Variants in ZNF454 observed in about 807,000 individuals in gnomAD.
The protein encoded by ZNF454 is zinc finger protein 454.
A neutral mutation model predicts 48.2 loss-of-function variants in ZNF454; 30 were observed. The ratio of observed to expected loss-of-function variants is 0.62; its 90% CI spans 0.47 to 0.84. The LOEUF is 0.84. ZNF454 is among the 40% of genes least tolerant of loss of function. The pLI is 0.00. For missense variants in ZNF454, 510 were observed against 623.1 expected (o/e 0.82, Z 1.93); for synonymous variants, 204 against 211.4 (o/e 0.97, Z 0.30).
downstream of ZNF454, among the ~76,000 whole-genome samples, chr5:178,967,663 G>A (rs765003956): frequency 4.0e-5 from 6 of 151,196 alleles, no homozygotes; most frequent in African/African-American, 7.3e-5. Flanking sequence ...GGCCATGTCC[G>A]TGTTCAAAAG....
At chr5:178,951,863 T>C (rs1036862748) in intron 4 of ZNF454, among the ~76,000 whole-genome samples, 2 of 152,244 alleles carry the variant, frequency 1.3e-5, no homozygotes, top group Non-Finnish European at 2.9e-5. Flanking sequence ...AGATTGATCA[T>C]CAAATTAGTT....
At chr5:178,984,363 G>T in the ZNF454 span, among the ~76,000 whole-genome samples, 4 of 152,204 alleles carry the variant, frequency 2.6e-5, no homozygotes, top group Non-Finnish European at 5.9e-5. Flanking sequence ...CTGAGCCCAG[G>T]AGAGGAAAGC....
chr5:178,982,948 C>T, the ZNF454 span: 299 of 1,614,150 alleles, frequency 1.9e-4, no homozygotes, highest in Non-Finnish European at 2.2e-4. Context: ...AAGATGGGCA[C>T]GAATGCCAGC....
At chr5:178,947,806 A>G (rs1343938057) in intron 4 of ZNF454, among the ~76,000 whole-genome samples, 1 of 152,208 alleles carries the variant, frequency 6.6e-6, no homozygotes, top group East Asian at 1.9e-4. Flanking sequence ...TTTGCTACAG[A>G]TTCTTCACGG....
At chr5:178,977,630 C>T in the ZNF454 span, among the ~76,000 whole-genome samples, 27 of 151,218 alleles carry the variant, frequency 1.8e-4, no homozygotes, top group African/African-American at 6.3e-4. Context: ...AGTGCAATGG[C>T]ACGATCTCAA....
downstream of ZNF454, among the ~76,000 whole-genome samples, chr5:178,967,864 C>T (rs545685652): frequency 5.3e-5 from 8 of 151,654 alleles, no homozygotes; most frequent in East Asian, 1.9e-4. Context: ...CTCAGCCTCC[C>T]GAGTAGCTAG....
At chr5:178,954,454 A>G (rs1426056405) in intron 4 of ZNF454, among the ~76,000 whole-genome samples, 1 of 152,050 alleles carries the variant, frequency 6.6e-6, no homozygotes, top group Non-Finnish European at 1.5e-5. Flanking sequence ...CTTATTATCA[A>G]AATTCTCATC....
At chr5:178,981,973 G>A in the ZNF454 span, 2 of 802,472 alleles carry the variant, frequency 2.5e-6, no homozygotes, top group Non-Finnish European at 4.4e-6. The surrounding 1 kb of genome is among the most constrained non-coding windows in gnomAD (Gnocchi z 5.1). Flanking sequence ...CTGGGAATGA[G>A]CACTTAGACC....
chr5:178,946,542 T>TA lies in ZNF454; in HGVS notation c.160+58dup. On this transcript the variant is annotated intron_variant, in intron 3 of 4. Coordinates refer to ENST00000519564, the MANE Select transcript of ZNF454 (RefSeq NM_001178089.3). The surrounding 1 kb of genome is among the most constrained non-coding windows in gnomAD (Gnocchi z 4.5). Reference sequence around the variant, plus strand: ...CTTTTGGGGATCTCTTTGGGACCCTTACATTGACACCATATAGAAGAGTCG... The same window carrying TA: ...CTTTTGGGGATCTCTTTGGGACCCTTAACATTGACACCATATAGAAGAGTCG... 1.3e-6 allele frequency: 2 copies of TA among 1,545,436 alleles called. No homozygotes were observed. The highest frequency in any genetic ancestry group is 4.5e-5 in the East Asian group (2 of 43,970).
chr5:178,946,566 C>T lies in ZNF454; in HGVS notation c.160+81C>T, dbSNP rs914209944. The T allele has an allele frequency of 9.3e-6, 14 of 1,505,854 alleles. No homozygotes were observed. Among genetic ancestry groups the T allele is most frequent in the African/African-American group, 7.0e-5 (5 of 71,376 alleles). 93.3% of individuals were successfully genotyped at this position (1,505,854 alleles called of 1,614,324 possible). On this transcript the variant is annotated intron_variant, in intron 3 of 4. Coordinates refer to ENST00000519564, the MANE Select transcript of ZNF454 (RefSeq NM_001178089.3). This position sits in a 1 kb window ranked among gnomAD's most constrained non-coding sequence, Gnocchi z 4.5. ...TTACATTGACACCATATAGAAGAGT[C>T]GGTTGGACCAACTGAGGACGCTGTC...
At chr5:178,949,678 G>T (rs945834285) in intron 4 of ZNF454, among the ~76,000 whole-genome samples, 3 of 151,792 alleles carry the variant, frequency 2.0e-5, no homozygotes, top group Admixed American at 6.6e-5. Flanking sequence ...GTGCAGTGGC[G>T]CAATCTTGGT....
the ZNF454 span, chr5:178,983,629 A>G: frequency 1.3e-5 from 5 of 378,116 alleles, no homozygotes; most frequent in Non-Finnish European, 2.1e-5. Flanking sequence ...TCGCCTCTCT[A>G]GCCTCCTCAC....
chr5:178,989,805 C>T, the ZNF454 span: 1 of 328,354 alleles, frequency 3.0e-6, no homozygotes, highest in Non-Finnish European at 5.9e-6. Flanking sequence ...GACTATGAGA[C>T]CATAAGCAGG....
the ZNF454 span, among the ~76,000 whole-genome samples, chr5:178,984,574 G>T: frequency 1.3e-5 from 2 of 152,144 alleles, no homozygotes; most frequent in Non-Finnish European, 2.9e-5. Context: ...GGAGAGCTGG[G>T]GGTCCCCAAC....
chr5:178,967,241 G>A (rs974009594), downstream of ZNF454, among the ~76,000 whole-genome samples: 3 of 152,096 alleles, frequency 2.0e-5, no homozygotes, highest in South Asian at 2.1e-4. Context: ...ACCCACTTAC[G>A]TTGTACTATT....
intron 4 of ZNF454, among the ~76,000 whole-genome samples, chr5:178,957,179 GC>G (rs1759805210): frequency 6.9e-6 from 1 of 144,480 alleles, no homozygotes; most frequent in Non-Finnish European, 1.6e-5. Flanking sequence ...ACCGCGCCCG[GC>G]CCAGTCTTTC....
the ZNF454 span, among the ~76,000 whole-genome samples, chr5:178,974,417 CA>C: frequency 2.0e-5 from 3 of 152,110 alleles, no homozygotes; most frequent in African/African-American, 4.8e-5. Context: ...CTCTGGGGTT[CA>C]AGCGATTCTC....
At chr5:178,945,839 A>T (rs1759309182) in intron 2 of ZNF454, among the ~76,000 whole-genome samples, 1 of 151,946 alleles carries the variant, frequency 6.6e-6, no homozygotes, top group South Asian at 2.1e-4. Context: ...AGATGTAGAG[A>T]CAGACAGTCC....
the ZNF454 span, chr5:178,985,157 A>G: frequency 2.4e-6 from 1 of 414,456 alleles, no homozygotes; most frequent in Non-Finnish European, 4.8e-6. Context: ...GGAGCAGGGC[A>G]GCAGAGACTC....
Sources: gnomAD v4.1 joint callset for allele counts (sites outside exome capture counted in the v4.1 genomes callset) on GRCh38, gnomAD v4.1.1 for gene constraint, Gnocchi (gnomAD v3.1) non-coding constraint, MANE v1.5 for transcripts, NCBI Gene and HGNC (gene_info 2026-07-23, HGNC 2026-07-21) for gene names.